Variants in KLF11 observed in about 807,000 individuals in gnomAD.
The protein encoded by KLF11 is KLF transcription factor 11, also known as Krueppel-like factor 11.
A neutral mutation model predicts 29.9 loss-of-function variants in KLF11; 26 were observed. The ratio of observed to expected loss-of-function variants is 0.87; its 90% CI spans 0.64 to 1.21. The LOEUF (loss-of-function observed/expected upper bound fraction) is 1.21, where lower values mean the gene tolerates loss of function less well. KLF11 is among the 50% of genes most tolerant of loss of function. KLF11 has a pLI of 0.00. For missense variants in KLF11, 778 were observed against 665.7 expected (o/e 1.17, Z -1.86); for synonymous variants, 318 against 257.4 (o/e 1.24, Z -2.25).
intron 1 of KLF11, chr2:10,044,514 G>T (rs1661118196): frequency 3.4e-6 from 3 of 894,164 alleles, no homozygotes; most frequent in Non-Finnish European, 4.0e-6. Context: ...CAGCCTGCGG[G>T]ACAGAGGCCG....
In KLF11 at chr2:10,054,346, G is replaced by A. The variant is rs1661493294; in HGVS notation, c.*1839G>A. On this transcript the variant is annotated 3_prime_UTR_variant, in exon 4 of 4. Coordinates refer to ENST00000305883, the MANE Select transcript of KLF11 (RefSeq NM_003597.5). Reference sequence around the variant, plus strand: ...TAATGTGAGTCCTGCCAGTATTCTGGTGGATAAGGTCTTTTGAGTATTTGG... The same window carrying A: ...TAATGTGAGTCCTGCCAGTATTCTGATGGATAAGGTCTTTTGAGTATTTGG... 1 of 152,222 alleles carries A rather than the reference G, an allele frequency of 6.6e-6. No homozygotes were observed. The highest frequency in any genetic ancestry group is 2.4e-5 in the African/African-American group (1 of 41,444). The allele number at this position is 152,222 out of a possible 1,614,324, so 9.4% of individuals were successfully genotyped here. A position where few individuals can be genotyped will look rare whatever the true frequency, so the allele number is the denominator to read the frequency against.
intron 1 of KLF11, chr2:10,044,537 G>A: frequency 1.4e-6 from 1 of 734,128 alleles, no homozygotes; most frequent in Non-Finnish European, 1.7e-6. Context: ...GATTTGAGGT[G>A]GCCTCGTCTT....
chr2:10,045,568 C>T (rs767446258), intron 1 of KLF11, among the ~76,000 whole-genome samples: 7 of 152,232 alleles, frequency 4.6e-5, no homozygotes, highest in Non-Finnish European at 8.8e-5. Context: ...ACCTGCTAGC[C>T]TTGGGACAGT....
intron 1 of KLF11, among the ~76,000 whole-genome samples, chr2:10,045,893 G>T (rs774599917): frequency 1.3e-5 from 2 of 152,234 alleles, no homozygotes; most frequent in African/African-American, 2.4e-5. Context: ...GAACTTAGTA[G>T]CCCTTTTTAA....
chr2:10,052,012 G>C (rs1661420452), intron 3 of KLF11, among the ~76,000 whole-genome samples: 1 of 152,154 alleles, frequency 6.6e-6, no homozygotes, highest in Admixed American at 6.5e-5. Context: ...AGATTAGCTT[G>C]AAATCTTTGG....
In KLF11 at chr2:10,048,435, G is replaced by C. The variant is rs1043891994; in HGVS notation, c.1098G>C (p.Leu366Phe). 2 of 1,614,004 alleles carry C rather than the reference G, an allele frequency of 1.2e-6. No homozygotes were observed. The highest frequency in any genetic ancestry group is 2.7e-5 in the African/African-American group (2 of 74,926). The change falls in exon 3 of 4, where the codon TTG becomes TTC. Residue 366 changes from leucine (L) to phenylalanine (F), a missense_variant. Transcript: ENST00000305883. ...ANVMAAGNTK[L>F]LPLAPAPVFI... ...TCATGGCTGCCGGGAATACCAAGTT[G>C]TTGCCCCTTGCCCCTGCTCCAGTGT... is the stretch of plus-strand genomic sequence containing the variant.
At chr2:10,044,281 C>T (rs116412095) in intron 1 of KLF11, 99,186 of 984,848 alleles carry the variant, frequency 0.1, 5,222 homozygotes, top group Middle Eastern at 0.18. Context: ...GAGCGCCGCA[C>T]TGCCTTGGAG....
Position 10,046,387 on chromosome 2 carries a change from C to T in KLF11, c.280C>T (p.Leu94=). The T allele has an allele frequency of 6.2e-7, 1 of 1,614,194 alleles. No individual in the cohort carries two copies. Among genetic ancestry groups the T allele is most frequent in the Non-Finnish European group, 8.5e-7 (1 of 1,180,044 alleles). Residue 94 remains leucine, a synonymous_variant, in exon 2 of 4, where the codon CTA becomes TTA. Transcript: ENST00000305883. ...GCATATGGATGCAGCCACACCTGAA[C>T]TACCAAAAGACTTCCATTCTTTATC... ...TVHMDAATPE[L]PKDFHSLSTL...
At chr2:10,046,565 C>T in intron 2 of KLF11, 146 bp downstream of exon 2, 1 of 943,682 alleles carries the variant, frequency 1.1e-6, no homozygotes, top group Non-Finnish European at 1.6e-6. Context: ...GGAGTAGAAA[C>T]TCTTCCTTTG....
Position 10,046,309 on chromosome 2 carries a change from C to G in KLF11, c.202C>G (p.Arg68Gly), listed in dbSNP as rs202142040. 14 of 1,614,138 alleles carry G rather than the reference C, an allele frequency of 8.7e-6. No individual in the cohort carries two copies. The highest frequency in any genetic ancestry group is 1.3e-5 in the African/African-American group (1 of 75,030). ...GQRSQKGDLL[R>G]IRPLTPVSDS... ...AAGATCCCAGAAAGGTGACCTGTTG[C>G]GGATAAGACCCCTCACGCCTGTCTC... Residue 68 changes from arginine (R) to glycine (G), a missense_variant, in exon 2 of 4, where the codon CGG becomes GGG. Coordinates refer to ENST00000305883, the MANE Select transcript of KLF11 (RefSeq NM_003597.5).
rs1386740201 is a variant in KLF11 at position 10,053,257 on chromosome 2, G to GGTA, written c.*750_*751insGTA. On this transcript the variant is annotated 3_prime_UTR_variant, in exon 4 of 4. Coordinates refer to ENST00000305883, the MANE Select transcript of KLF11 (RefSeq NM_003597.5). ...CCCAGAGAGTAACATGAGCCACTGG[G>GGTA]CAGATCCCAGGGACCAGTACTTGCT... 1 of 398,582 alleles carries GGTA rather than the reference G, an allele frequency of 2.5e-6. No homozygotes were observed. The highest frequency in any genetic ancestry group is 2.1e-5 in the African/African-American group (1 of 48,628). 24.7% of individuals were successfully genotyped at this position (398,582 alleles called of 1,614,324 possible). A position where few individuals can be genotyped will look rare whatever the true frequency, so the allele number is the denominator to read the frequency against.
Position 10,046,365 on chromosome 2 carries a change from T to A in KLF11, c.258T>A (p.His86Gln). Residue 86 changes from histidine to glutamine, a missense_variant, in exon 2 of 4, where the codon CAT (histidine) becomes CAA (glutamine). His to Gln is a conservative substitution (Grantham distance 24). Coordinates refer to ENST00000305883, the MANE Select transcript of KLF11 (RefSeq NM_003597.5). ...CTGGGGATGTCACCACCACTGTGCA[T>A]ATGGATGCAGCCACACCTGAACTAC... Reference protein sequence around the residue: ...SDSGDVTTTVHMDAATPELPK... With the variant: ...SDSGDVTTTVQMDAATPELPK... 1.2e-6 allele frequency: 2 copies of A among 1,614,200 alleles called. No individual in the cohort carries two copies. The highest frequency in any genetic ancestry group is 1.7e-6 in the Non-Finnish European group (2 of 1,180,048).
In KLF11 at chr2:10,043,950, C is replaced by T. The variant is rs1466736996; in HGVS notation, c.42+192C>T. On this transcript the variant is annotated intron_variant, in intron 1 of 3. Coordinates refer to ENST00000305883, the MANE Select transcript of KLF11 (RefSeq NM_003597.5). ...GCGGCCGCGACGGGCGCGCCCGGGT[C>T]GGCGGGGGCGAGGAGGGGGCGTGTT... is the stretch of plus-strand genomic sequence containing the variant. The T allele has an allele frequency of 1.0e-5, 10 of 972,842 alleles. No homozygotes were observed. In the South Asian group the frequency reaches 4.3e-4, roughly 42 times the overall value. 60.3% of individuals were successfully genotyped at this position (972,842 alleles called of 1,614,324 possible). A position where few individuals can be genotyped will look rare whatever the true frequency, so the allele number is the denominator to read the frequency against.
At chr2:10,046,622 C>G (rs1028099968) in intron 2 of KLF11, among the ~76,000 whole-genome samples, 6 of 152,098 alleles carry the variant, frequency 3.9e-5, no homozygotes, top group African/African-American at 1.4e-4. Flanking sequence ...TTTGGGAGGG[C>G]CAGGCAGGCA....
Position 10,048,048 on chromosome 2 carries a change from G to T in KLF11, c.711G>T (p.Lys237Asn). The change falls in exon 3 of 4, where the codon AAG (lysine) becomes AAT (asparagine). Residue 237 changes from lysine (K) to asparagine (N), a missense_variant. Coordinates refer to ENST00000305883, the MANE Select transcript of KLF11 (RefSeq NM_003597.5). ...NLVSCQPCLH[K>N]SGGLLLTDKG... ...TGTCCTGTCAGCCCTGCTTGCACAA[G>T]TCTGGTGGCCTGCTGCTCACTGACA... is the stretch of plus-strand genomic sequence containing the variant. The T allele has an allele frequency of 6.2e-7, 1 of 1,614,220 alleles. No homozygotes were observed. The highest frequency in any genetic ancestry group is 8.5e-7 in the Non-Finnish European group (1 of 1,180,042).
chr2:10,046,804 G>A (rs957629087), intron 2 of KLF11, among the ~76,000 whole-genome samples: 14 of 152,130 alleles, frequency 9.2e-5, no homozygotes, highest in Admixed American at 7.9e-4. Flanking sequence ...GCAGTGAGCC[G>A]AGATCGTGCC....
intron 3 of KLF11, among the ~76,000 whole-genome samples, chr2:10,051,208 G>A (rs1204489353): frequency 6.1e-5 from 9 of 148,740 alleles, no homozygotes; most frequent in East Asian, 2.0e-4. Context: ...ATGCCCGGCC[G>A]GTGCTACTTT....
intron 3 of KLF11, among the ~76,000 whole-genome samples, chr2:10,048,876 C>G (rs566593142): frequency 6.6e-6 from 1 of 150,482 alleles, no homozygotes; most frequent in African/African-American, 2.4e-5. Flanking sequence ...TACAGTGCCC[C>G]CTTCTGTTCA....
At chr2:10,043,780 G>A (rs1282446771) in intron 1 of KLF11, 22 bp downstream of exon 1, 2 of 1,369,772 alleles carry the variant, frequency 1.5e-6, no homozygotes, top group African/African-American at 1.5e-5. Context: ...GGCTGCCGCG[G>A]CGGGACTACT....
Sources: allele counts gnomAD v4.1 joint callset (sites outside exome capture counted in the v4.1 genomes callset), GRCh38; gene constraint gnomAD v4.1.1; transcripts MANE v1.5; gene names NCBI Gene and HGNC (gene_info 2026-07-23, HGNC 2026-07-21).